Variants in ZNF804B observed in about 807,000 individuals in gnomAD.
ZNF804B encodes zinc finger protein 804B.
In ZNF804B, 80 loss-of-function variants were observed where a neutral mutation model predicts 101.4. That is an observed-to-expected ratio of 0.79 (90% CI 0.66 to 0.95). The LOEUF (loss-of-function observed/expected upper bound fraction) is 0.95. ZNF804B is among the 40% of genes least tolerant of loss of function. ZNF804B has a pLI of 0.00. For synonymous variants in ZNF804B, 622 were observed against 558.8 expected (o/e 1.11, Z -1.59); for missense variants, 1,673 against 1,561.9 (o/e 1.07, Z -1.20).
At chr7:89,042,514 T>G (rs1295380798) in intron 1 of ZNF804B, among the ~76,000 whole-genome samples, 4 of 152,218 alleles carry the variant, frequency 2.6e-5, no homozygotes, top group Non-Finnish European at 5.9e-5. Context: ...CTACTGATAC[T>G]GAGTCAAATT....
At chr7:88,817,015 A>G (rs1790890297) in intron 1 of ZNF804B, among the ~76,000 whole-genome samples, 2 of 151,864 alleles carry the variant, frequency 1.3e-5, no homozygotes, top group Non-Finnish European at 2.9e-5. Context: ...GGATTAAGAA[A>G]ATGTGGCACA....
chr7:89,217,403 C>G (rs1584061284), intron 1 of ZNF804B, among the ~76,000 whole-genome samples: 1 of 152,076 alleles, frequency 6.6e-6, no homozygotes, highest in African/African-American at 2.4e-5. Context: ...GTTGATGCAT[C>G]TATAATGCAG....
chr7:89,094,082 C>A (rs894339207), intron 1 of ZNF804B, among the ~76,000 whole-genome samples: 4 of 152,166 alleles, frequency 2.6e-5, no homozygotes, highest in Admixed American at 2.0e-4. Context: ...ACACTTTATA[C>A]TATTGTCAAA....
chr7:88,854,527 T>TTTCCTTCCTTCCTTCC (rs1207265464), intron 1 of ZNF804B, among the ~76,000 whole-genome samples: 72 of 40,060 alleles, frequency 1.8e-3, no homozygotes, highest in Middle Eastern at 0.012. Flanking sequence ...CTTTCCTTCC[T>TTTCCTTCCTTCCTTCC]TTCCTTCCTT....
intron 1 of ZNF804B, among the ~76,000 whole-genome samples, chr7:89,125,593 T>A (rs1790465824): frequency 6.6e-6 from 1 of 152,034 alleles, no homozygotes; most frequent in Non-Finnish European, 1.5e-5. Flanking sequence ...TTTTCTTAGC[T>A]TAACAAATAA....
At chr7:89,280,238 C>G (rs964602876) in intron 2 of ZNF804B, among the ~76,000 whole-genome samples, 1 of 151,800 alleles carries the variant, frequency 6.6e-6, no homozygotes, top group African/African-American at 2.4e-5. Context: ...ATACCAGAAT[C>G]TCTGGGACAC....
intron 2 of ZNF804B, among the ~76,000 whole-genome samples, chr7:89,293,554 G>T (rs1324260027): frequency 1.3e-5 from 2 of 152,094 alleles, no homozygotes; most frequent in Non-Finnish European, 2.9e-5. Context: ...GGAGGTGTAG[G>T]CAGGCAGATC....
intron 2 of ZNF804B, among the ~76,000 whole-genome samples, chr7:89,325,030 C>G (rs988992353): frequency 4.0e-5 from 6 of 151,700 alleles, no homozygotes; most frequent in Non-Finnish European, 8.8e-5. Context: ...TCATTTTTTT[C>G]CAGTTTTGTT....
chr7:89,244,249 T>C (rs891687370), intron 2 of ZNF804B, among the ~76,000 whole-genome samples: 13 of 152,116 alleles, frequency 8.5e-5, no homozygotes, highest in African/African-American at 3.1e-4. Context: ...CAGAATTTGC[T>C]ATACAGCTTA....
intron 1 of ZNF804B, among the ~76,000 whole-genome samples, chr7:88,994,956 C>T (rs1227066156): frequency 6.6e-6 from 1 of 152,000 alleles, no homozygotes; most frequent in Non-Finnish European, 1.5e-5. Context: ...CATCAACACA[C>T]ACATAAGAAA....
chr7:89,180,202 G>A (rs915774916), intron 1 of ZNF804B, among the ~76,000 whole-genome samples: 1 of 152,104 alleles, frequency 6.6e-6, no homozygotes, highest in African/African-American at 2.4e-5. Context: ...GATAGCAGAT[G>A]GTAAAGCCAG....
chr7:89,080,179 A>T (rs1364770276), intron 1 of ZNF804B, among the ~76,000 whole-genome samples: 2 of 151,814 alleles, frequency 1.3e-5, no homozygotes, highest in African/African-American at 4.8e-5. Context: ...GTAATCAAAG[A>T]TTGGGTCTAA....
intron 3 of ZNF804B, among the ~76,000 whole-genome samples, chr7:89,330,573 C>A (rs1790963645): frequency 6.6e-6 from 1 of 151,034 alleles, no homozygotes; most frequent in South Asian, 2.1e-4. Flanking sequence ...ATTTAAAACC[C>A]CACAAAGATA....
At chr7:89,170,847 G>T (rs1041409412) in intron 1 of ZNF804B, among the ~76,000 whole-genome samples, 2 of 152,126 alleles carry the variant, frequency 1.3e-5, no homozygotes, top group African/African-American at 4.8e-5. Flanking sequence ...TCTCTGTTCT[G>T]CCTTCACACT....
At chr7:89,323,548 T>C (rs1407576838) in intron 2 of ZNF804B, among the ~76,000 whole-genome samples, 2 of 152,182 alleles carry the variant, frequency 1.3e-5, no homozygotes, top group Non-Finnish European at 2.9e-5. Context: ...ATGTATTTAA[T>C]AATATAACAC....
chr7:89,221,009 G>T (rs1046413038), intron 2 of ZNF804B, among the ~76,000 whole-genome samples: 1 of 151,746 alleles, frequency 6.6e-6, no homozygotes, highest in South Asian at 2.1e-4. Flanking sequence ...ATATATTAGA[G>T]GGTATTTTGT....
chr7:89,192,069 TAGG>T (rs1484403161), intron 1 of ZNF804B, among the ~76,000 whole-genome samples: 12 of 152,094 alleles, frequency 7.9e-5, no homozygotes, highest in African/African-American at 2.4e-5. Context: ...GGATTCTTAT[TAGG>T]AGGATGAAAA....
intron 1 of ZNF804B, among the ~76,000 whole-genome samples, chr7:88,893,603 A>G (rs1792244964): frequency 6.6e-6 from 1 of 152,156 alleles, no homozygotes. Context: ...AGAGTGTTGA[A>G]CTTAATAGAT....
intron 1 of ZNF804B, among the ~76,000 whole-genome samples, chr7:88,906,265 T>A (rs916628183): frequency 2.0e-5 from 3 of 152,124 alleles, no homozygotes; most frequent in Non-Finnish European, 4.4e-5. Context: ...TTTTGTTCAG[T>A]TATTCTCCAC....
Sources: gnomAD v4.1 joint callset for allele counts (sites outside exome capture counted in the v4.1 genomes callset) on GRCh38, gnomAD v4.1.1 for gene constraint, MANE v1.5 for transcripts, NCBI Gene and HGNC (gene_info 2026-07-23, HGNC 2026-07-21) for gene names.